PACRG: variants seen among roughly 807,000 people sequenced by gnomAD.
PACRG encodes parkin coregulated gene protein.
PACRG carries 29 observed loss-of-function variants against 29.7 expected under a neutral mutation model. The observed-to-expected ratio is 0.98, with a 90% CI of 0.73 to 1.33. The LOEUF (loss-of-function observed/expected upper bound fraction) is 1.33. PACRG is among the 40% of genes most tolerant of loss of function. The probability of loss-of-function intolerance (pLI) is 0.00; values close to 1 mark genes in which losing one functional copy is unlikely to be tolerated. For missense variants in PACRG, 279 were observed against 316.2 expected (o/e 0.88, Z 0.89); for synonymous variants, 116 against 118.7 (o/e 0.98, Z 0.15).
At chr6:163,209,510 T>A (rs1781049645) in intron 4 of PACRG, among the ~76,000 whole-genome samples, 1 of 152,216 alleles carries the variant, frequency 6.6e-6, no homozygotes, top group Non-Finnish European at 1.5e-5. Flanking sequence ...CAAATAATTG[T>A]TAATATTGAC....
chr6:163,187,409 T>C (rs6910994), intron 4 of PACRG, among the ~76,000 whole-genome samples: 11,476 of 152,126 alleles, frequency 0.075, 1,347 homozygotes, highest in African/African-American at 0.25. Context: ...GGCTCAGGAC[T>C]GGCCCCATCT....
chr6:163,111,876 A>C, intron 4 of PACRG: 1 of 191,858 alleles, frequency 5.2e-6, no homozygotes, highest in Non-Finnish European at 9.6e-6. Flanking sequence ...ATATTGTGTA[A>C]ATCTAATTTT....
At chr6:162,867,960 T>G (rs184876604) in intron 2 of PACRG, among the ~76,000 whole-genome samples, 1 of 152,318 alleles carries the variant, frequency 6.6e-6, no homozygotes, top group Non-Finnish European at 1.5e-5. Flanking sequence ...AGAGCCTCAC[T>G]TTTCTCATCA....
At chr6:163,086,770 A>C (rs1419647078) in intron 3 of PACRG, among the ~76,000 whole-genome samples, 1 of 152,152 alleles carries the variant, frequency 6.6e-6, no homozygotes, top group Non-Finnish European at 1.5e-5. Flanking sequence ...CCAGGCATAA[A>C]GGAAGCACTT....
intron 2 of PACRG, among the ~76,000 whole-genome samples, chr6:162,837,457 G>A (rs924741272): frequency 1.3e-5 from 2 of 152,100 alleles, no homozygotes; most frequent in African/African-American, 4.8e-5. Context: ...TAGTGATCAA[G>A]AGGAGGGAGA....
chr6:163,088,085 G>A (rs867108041), intron 3 of PACRG, among the ~76,000 whole-genome samples: 7 of 152,178 alleles, frequency 4.6e-5, no homozygotes, highest in African/African-American at 1.7e-4. Flanking sequence ...TTTAGTCTTT[G>A]GAACAAACTG....
chr6:162,763,908 A>T (rs926246596), intron 1 of PACRG, among the ~76,000 whole-genome samples: 1 of 152,180 alleles, frequency 6.6e-6, no homozygotes. Context: ...TATTTTTAAA[A>T]ACTCGACTAT....
At chr6:162,997,029 G>A (rs1804131228) in intron 2 of PACRG, among the ~76,000 whole-genome samples, 1 of 152,072 alleles carries the variant, frequency 6.6e-6, no homozygotes, top group South Asian at 2.1e-4. Context: ...TAATGATTCA[G>A]TCATTTGTTT....
chr6:163,313,657 G>A (rs1017882800), intron 4 of PACRG: 3 of 152,156 alleles, frequency 2.0e-5, no homozygotes, highest in African/African-American at 7.2e-5. Flanking sequence ...TCTTTCTCTG[G>A]TGAAATGCAC....
chr6:163,233,108 A>G (rs1415639808), intron 4 of PACRG, among the ~76,000 whole-genome samples: 1 of 152,260 alleles, frequency 6.6e-6, no homozygotes, highest in African/African-American at 2.4e-5. Context: ...CACGCTCAGC[A>G]GGAATTTGTC....
intron 2 of PACRG, among the ~76,000 whole-genome samples, chr6:162,914,189 G>A (rs986594681): frequency 1.3e-5 from 2 of 151,784 alleles, no homozygotes; most frequent in Admixed American, 1.3e-4. Flanking sequence ...TATATTTTAG[G>A]GTTTACATCT....
chr6:162,949,654 A>C (rs1049753702), intron 2 of PACRG, among the ~76,000 whole-genome samples: 7 of 152,152 alleles, frequency 4.6e-5, no homozygotes, highest in Non-Finnish European at 1.0e-4. Context: ...GTATGAAAAA[A>C]TTTAATGACA....
At chr6:162,895,170 TGA>T (rs751699892) in intron 2 of PACRG, among the ~76,000 whole-genome samples, 165 of 146,634 alleles carry the variant, frequency 1.1e-3, no homozygotes, top group Middle Eastern at 7.4e-3. Flanking sequence ...CTCTGGAGGC[TGA>T]GAAGGGAAGA....
chr6:162,903,814 A>T (rs1054082924), intron 2 of PACRG, among the ~76,000 whole-genome samples: 4 of 152,142 alleles, frequency 2.6e-5, no homozygotes, highest in African/African-American at 4.8e-5. Flanking sequence ...TGTGATCGTG[A>T]GGGGTTTGTC....
intron 2 of PACRG, among the ~76,000 whole-genome samples, chr6:162,968,283 CAAA>C (rs1801219008): frequency 6.6e-6 from 1 of 152,076 alleles, no homozygotes; most frequent in Admixed American, 6.5e-5. Flanking sequence ...ATTGGTTGTT[CAAA>C]ATTCAAGATA....
chr6:162,961,757 GTCTAGTGTCCT>G lies in PACRG; in HGVS notation c.292-100388_292-100378del, dbSNP rs1318518553. Among the ~76,000 whole-genome samples the G allele has an allele frequency of 2.6e-5, 4 of 152,242 alleles. No individual in the cohort carries two copies. In the East Asian group the frequency reaches 7.7e-4, roughly 29 times the overall value. On this transcript the variant is annotated intron_variant, in intron 2 of 4. Transcript: ENST00000366888. ...CCGCTTCCCTAGAGTCCTGCCTTTAGTCTAGTGTCCTTCTAATCAGATCCATACCCCAAGCC... is the reference window on the plus strand; with the variant it reads ...CCGCTTCCCTAGAGTCCTGCCTTTAGTCTAATCAGATCCATACCCCAAGCC...
intron 4 of PACRG, among the ~76,000 whole-genome samples, chr6:163,171,242 C>T (rs1474559802): frequency 6.6e-6 from 1 of 151,708 alleles, no homozygotes; most frequent in Non-Finnish European, 1.5e-5. Context: ...AGCTTGCCAC[C>T]TAGTAGTCAA....
rs1302067827 is a variant in PACRG, at chr6:163,239,669, C to A, written c.614-75158C>A. 2.7e-5 allele frequency among the ~76,000 whole-genome samples: 4 copies of A among 148,136 alleles called. No individual in the cohort carries two copies. The East Asian group carries it at 8.0e-4, about 29-fold the overall frequency. ...CCCCAACCCCTACACACACCCACAC[C>A]CCCCACCCCTACACACACACGCACA... On this transcript the variant is annotated intron_variant, in intron 4 of 4. Transcript: ENST00000366888.
chr6:163,151,377 C>T (rs1225164622), intron 4 of PACRG, among the ~76,000 whole-genome samples: 1 of 152,148 alleles, frequency 6.6e-6, no homozygotes, highest in East Asian at 1.9e-4. Flanking sequence ...ATGCCTCCCC[C>T]TGCCCTCCCC....
Sources: allele counts gnomAD v4.1 joint callset (sites outside exome capture counted in the v4.1 genomes callset), GRCh38; gene constraint gnomAD v4.1.1; transcripts MANE v1.5; gene names NCBI Gene and HGNC (gene_info 2026-07-23, HGNC 2026-07-21).